The following PTPN2 variants were observed in gnomAD, a reference collection of about 807,000 sequenced individuals.
The protein encoded by PTPN2 is tyrosine-protein phosphatase non-receptor type 2.
A neutral mutation model predicts 57.3 loss-of-function variants in PTPN2; 19 were observed. The ratio of observed to expected loss-of-function variants is 0.33; its 90% CI spans 0.23 to 0.49. The LOEUF is 0.49. Ranked by LOEUF, PTPN2 falls within the 20% of genes least tolerant of loss-of-function variation. PTPN2 has a pLI of 0.99. For missense variants in PTPN2, 358 were observed against 501.1 expected (o/e 0.71, Z 2.73); for synonymous variants, 153 against 164.9 (o/e 0.93, Z 0.55).
intron 7 of PTPN2, among the ~76,000 whole-genome samples, chr18:12,803,034 T>C (rs1473473861): frequency 1.3e-5 from 2 of 152,186 alleles, no homozygotes; most frequent in Non-Finnish European, 2.9e-5. Flanking sequence ...AAATGGTTAA[T>C]GGTAACTACA....
At chr18:12,855,597 T>A (rs977758212) in intron 2 of PTPN2, among the ~76,000 whole-genome samples, 13 of 152,184 alleles carry the variant, frequency 8.5e-5, no homozygotes, top group African/African-American at 2.9e-4. Context: ...GACGATATCC[T>A]GAGCATGGTG....
At chr18:12,815,876 C>T (rs1568104431) in intron 6 of PTPN2, among the ~76,000 whole-genome samples, 1 of 152,158 alleles carries the variant, frequency 6.6e-6, no homozygotes, top group East Asian at 1.9e-4. Context: ...CATATTAATT[C>T]ACCTGGGAAT....
chr18:12,812,630 T>C (rs952136862), intron 7 of PTPN2, among the ~76,000 whole-genome samples: 4 of 152,106 alleles, frequency 2.6e-5, no homozygotes, highest in African/African-American at 9.7e-5. Flanking sequence ...GTAGCATGTG[T>C]GGTATGTATT....
intron 9 of PTPN2, chr18:12,786,433 G>A (rs1038722316): frequency 2.0e-5 from 3 of 152,106 alleles, no homozygotes; most frequent in Non-Finnish European, 4.4e-5. Flanking sequence ...CCAATCTTAA[G>A]CTACTACTAA....
At chr18:12,859,387 CAATT>C (rs1164760675) in intron 1 of PTPN2, 133 bp from the exon 2 acceptor site, 14 of 575,414 alleles carry the variant, frequency 2.4e-5, no homozygotes, top group Non-Finnish European at 3.9e-5. Context: ...TTGTTTACAT[CAATT>C]AATCATTTAA....
chr18:12,874,232 G>A (rs1276458271), intron 1 of PTPN2, among the ~76,000 whole-genome samples: 2 of 148,772 alleles, frequency 1.3e-5, no homozygotes. Flanking sequence ...CCGGCCAGCC[G>A]CCCCGTCCGG....
chr18:12,866,234 C>T (rs539987338), intron 1 of PTPN2, among the ~76,000 whole-genome samples: 1 of 152,060 alleles, frequency 6.6e-6, no homozygotes, highest in Admixed American at 6.5e-5. Context: ...GTCAGGAGAT[C>T]GAGACCATCC....
chr18:12,831,458 A>G (rs2042666965), intron 3 of PTPN2, among the ~76,000 whole-genome samples: 1 of 152,196 alleles, frequency 6.6e-6, no homozygotes, highest in Non-Finnish European at 1.5e-5. Context: ...TGGCTATAGT[A>G]TTCATGTACA....
intron 6 of PTPN2, among the ~76,000 whole-genome samples, chr18:12,815,089 TAAATAAATAAATA>T (rs1458044870): frequency 0.025 from 607 of 24,686 alleles, 4 homozygotes; most frequent in African/African-American, 0.073. Flanking sequence ...ATCTCAAAAA[TAAATAAATAAATA>T]AATAAATAAA....
intron 2 of PTPN2, among the ~76,000 whole-genome samples, chr18:12,847,617 A>AT (rs201950400): frequency 0.013 from 1,746 of 138,908 alleles, 21 homozygotes; most frequent in African/African-American, 0.028. Context: ...AAAATTAAAG[A>AT]TTTTTTTTTT....
intron 5 of PTPN2, among the ~76,000 whole-genome samples, chr18:12,825,041 T>C (rs2145349265): frequency 6.6e-6 from 1 of 152,280 alleles, no homozygotes; most frequent in South Asian, 2.1e-4. Context: ...AGAGCTGTGA[T>C]TATGCCACTG....
intron 1 of PTPN2, among the ~76,000 whole-genome samples, chr18:12,870,426 CGTAT>C (rs1405689363): frequency 4.5e-5 from 1 of 22,046 alleles, no homozygotes; most frequent in Non-Finnish European, 6.2e-5. Context: ...TATATATATA[CGTAT>C]ATATATATGT....
chr18:12,829,685 T>C (rs2042602158), intron 4 of PTPN2, among the ~76,000 whole-genome samples: 1 of 152,130 alleles, frequency 6.6e-6, no homozygotes, highest in South Asian at 2.1e-4. Flanking sequence ...AAACTCCTAA[T>C]TGGTCATCTG....
intron 9 of PTPN2, chr18:12,786,049 T>C (rs1598712732): frequency 1.8e-6 from 1 of 560,902 alleles, no homozygotes; most frequent in Admixed American, 3.7e-5. Flanking sequence ...CAAACGATGG[T>C]GGTGTGACGC....
chr18:12,875,403 G>A (rs2044454312), intron 1 of PTPN2, among the ~76,000 whole-genome samples: 1 of 151,892 alleles, frequency 6.6e-6, no homozygotes, highest in Non-Finnish European at 1.5e-5. Context: ...GTTAGCCTGT[G>A]GAAATGTATC....
chr18:12,835,248 T>A (rs1474121594), intron 3 of PTPN2, among the ~76,000 whole-genome samples: 2 of 152,082 alleles, frequency 1.3e-5, no homozygotes, highest in Non-Finnish European at 2.9e-5. Flanking sequence ...AATGGAAAAT[T>A]AAAGTCTCTA....
At chr18:12,835,508 T>C (rs919853334) in intron 3 of PTPN2, among the ~76,000 whole-genome samples, 1 of 150,170 alleles carries the variant, frequency 6.7e-6, no homozygotes, top group African/African-American at 2.4e-5. Flanking sequence ...CCTGGGTAGC[T>C]GGGATTATAG....
intron 3 of PTPN2, among the ~76,000 whole-genome samples, chr18:12,834,892 C>T (rs2042799677): frequency 6.6e-6 from 1 of 151,970 alleles, no homozygotes; most frequent in Non-Finnish European, 1.5e-5. Flanking sequence ...TTAGTTGTCC[C>T]TCAATATACA....
intron 1 of PTPN2, among the ~76,000 whole-genome samples, chr18:12,870,364 T>C (rs12959443): frequency 2.0e-4 from 7 of 34,640 alleles, no homozygotes; most frequent in South Asian, 2.6e-3. Flanking sequence ...TATATATATG[T>C]GTATATATAC....
Sources: allele counts gnomAD v4.1 joint callset (sites outside exome capture counted in the v4.1 genomes callset), GRCh38; gene constraint gnomAD v4.1.1; transcripts MANE v1.5; gene names NCBI Gene and HGNC (gene_info 2026-07-23, HGNC 2026-07-21).